ABAT: variants seen among roughly 807,000 people sequenced by gnomAD.
The protein encoded by ABAT is 4-aminobutyrate aminotransferase, mitochondrial.
ABAT carries 45 observed loss-of-function variants against 64.6 expected under a neutral mutation model. The observed-to-expected ratio is 0.70, with a 90% CI of 0.55 to 0.89. ABAT has a LOEUF of 0.89. Among genes scored for constraint, ABAT ranks in the 40% least tolerant of loss-of-function variants. The probability of loss-of-function intolerance (pLI) is 0.00; values close to 1 mark genes in which losing one functional copy is unlikely to be tolerated. For synonymous variants in ABAT, 297 were observed against 250.5 expected (o/e 1.19, Z -1.75); for missense variants, 633 against 658.4 (o/e 0.96, Z 0.42).
intron 1 of ABAT, among the ~76,000 whole-genome samples, chr16:8,726,291 C>T (rs1212448184): frequency 9.7e-6 from 1 of 103,458 alleles, no homozygotes; most frequent in Non-Finnish European, 1.9e-5. Context: ...GATGGAGTCT[C>T]GATCTGTTGC....
intron 1 of ABAT, among the ~76,000 whole-genome samples, chr16:8,690,941 A>G (rs1442543363): frequency 1.3e-5 from 2 of 152,174 alleles, no homozygotes; most frequent in African/African-American, 4.8e-5. Flanking sequence ...TTGCAAATGA[A>G]TGTATGAAGA....
rs1321698768 is a variant in ABAT, at chr16:8,688,058, C to T, written c.-42+13347C>T. 1.4e-5 allele frequency among the ~76,000 whole-genome samples: 2 copies of T among 143,644 alleles called. 1 individual carries two copies. The allele number at this position is 143,644 out of a possible 152,430, so 94.2% of individuals were successfully genotyped here. A position where few individuals can be genotyped will look rare whatever the true frequency, so the allele number is the denominator to read the frequency against. Reference sequence around the variant, plus strand: ...AACTATAGGCCCGTTCCCTGCCCCGCTATTTTACTTATTTTTTATTTTTTT... The same window carrying T: ...AACTATAGGCCCGTTCCCTGCCCCGTTATTTTACTTATTTTTTATTTTTTT... On this transcript the variant is annotated intron_variant, in intron 1 of 15. Coordinates refer to ENST00000268251, the MANE Select transcript of ABAT (RefSeq NM_020686.6).
chr16:8,679,583 C>A (rs565918522), intron 1 of ABAT, among the ~76,000 whole-genome samples: 1 of 151,736 alleles, frequency 6.6e-6, no homozygotes, highest in Non-Finnish European at 1.5e-5. Flanking sequence ...CTCATTGGGC[C>A]GCTGTGAGGA....
chr16:8,678,071 A>G (rs192642782), intron 1 of ABAT, among the ~76,000 whole-genome samples: 1 of 152,260 alleles, frequency 6.6e-6, no homozygotes, highest in African/African-American at 2.4e-5. Context: ...AAAAAAAAAC[A>G]AAATAAAAAC....
chr16:8,717,985 C>T (rs55801241), intron 1 of ABAT, among the ~76,000 whole-genome samples: 5,915 of 152,194 alleles, frequency 0.039, 157 homozygotes, highest in South Asian at 0.1. Flanking sequence ...CATGTTATTT[C>T]TCTGTGCAAG....
At chr16:8,746,587 G>C (rs1015918589) in intron 3 of ABAT, among the ~76,000 whole-genome samples, 1 of 150,808 alleles carries the variant, frequency 6.6e-6, no homozygotes, top group Non-Finnish European at 1.5e-5. Flanking sequence ...CACTATGTTG[G>C]CCAGGCTGGT....
intron 1 of ABAT, among the ~76,000 whole-genome samples, chr16:8,727,835 A>C (rs184989056): frequency 1.3e-5 from 2 of 152,298 alleles, no homozygotes; most frequent in East Asian, 3.9e-4. Flanking sequence ...TTGGGAGTCC[A>C]AGATGGTAGG....
At chr16:8,687,320 G>A (rs1030267343) in intron 1 of ABAT, among the ~76,000 whole-genome samples, 1 of 151,958 alleles carries the variant, frequency 6.6e-6, no homozygotes, top group Admixed American at 6.6e-5. Flanking sequence ...GTCAGGAGAT[G>A]GAGACCATCC....
At chr16:8,695,361 A>C (rs145492821) in intron 1 of ABAT, among the ~76,000 whole-genome samples, 187 of 152,256 alleles carry the variant, frequency 1.2e-3, no homozygotes, top group African/African-American at 4.3e-3. Flanking sequence ...TGTAGTTTTA[A>C]TTTCCTGCAG....
intron 2 of ABAT, among the ~76,000 whole-genome samples, chr16:8,742,158 C>G (rs1332026081): frequency 6.6e-6 from 1 of 152,234 alleles, no homozygotes; most frequent in Admixed American, 6.5e-5. Context: ...CTCACCCTTT[C>G]TTCACCACCT....
At chr16:8,735,943 T>C in intron 2 of ABAT, 134 bp downstream of exon 2, 1 of 750,552 alleles carries the variant, frequency 1.3e-6, no homozygotes, top group Admixed American at 2.1e-5. Context: ...CCCACTGTAT[T>C]AGTCTGTTCT....
At chr16:8,765,152 C>G (rs577145588) in intron 8 of ABAT, among the ~76,000 whole-genome samples, 2 of 146,380 alleles carry the variant, frequency 1.4e-5, no homozygotes, top group Admixed American at 1.4e-4. Flanking sequence ...GGCAACATGA[C>G]GAAACCCCAT....
chr16:8,680,126 C>G (rs144431672), intron 1 of ABAT, among the ~76,000 whole-genome samples: 23 of 152,282 alleles, frequency 1.5e-4, no homozygotes, highest in African/African-American at 4.1e-4. Context: ...TCTCCTCCTC[C>G]CAACTCCTGT....
At chr16:8,684,936 T>G (rs1026617831) in intron 1 of ABAT, among the ~76,000 whole-genome samples, 1 of 152,130 alleles carries the variant, frequency 6.6e-6, no homozygotes, top group African/African-American at 2.4e-5. Context: ...AAGGCAGAAT[T>G]TGCTTGTCTA....
Position 8,760,736 on chromosome 16 carries a change from C to T in ABAT, c.366+2930C>T, listed in dbSNP as rs189356825. Among the ~76,000 whole-genome samples the T allele has an allele frequency of 5.3e-4, 80 of 152,334 alleles. 2 individuals are homozygous for T. Among genetic ancestry groups the T allele is most frequent in the Admixed American group, 4.6e-3 (70 of 15,304 alleles). Reference sequence around the variant, plus strand: ...CATCAGACACATTTGCAGTGTCAACCGCCTCCAGAGGCAGAAGCGTCCTCA... The same window carrying T: ...CATCAGACACATTTGCAGTGTCAACTGCCTCCAGAGGCAGAAGCGTCCTCA... On this transcript the variant is annotated intron_variant, in intron 6 of 15. Transcript: ENST00000268251.
At chr16:8,771,464 C>CT (rs1207440161) in intron 11 of ABAT, among the ~76,000 whole-genome samples, 3 of 108,514 alleles carry the variant, frequency 2.8e-5, no homozygotes, top group Admixed American at 1.2e-4. Flanking sequence ...TAGGGTTTTT[C>CT]TTTCTTTTTT....
At chr16:8,748,701 G>A (rs766147526) in intron 4 of ABAT, among the ~76,000 whole-genome samples, 2 of 152,000 alleles carry the variant, frequency 1.3e-5, no homozygotes, top group African/African-American at 2.4e-5. Context: ...TGTATTCAGG[G>A]CTCTGTTTTT....
intron 1 of ABAT, among the ~76,000 whole-genome samples, chr16:8,725,030 C>T (rs2058503990): frequency 6.6e-6 from 1 of 151,974 alleles, no homozygotes; most frequent in African/African-American, 2.4e-5. Flanking sequence ...GATTCTCCCG[C>T]CTCAGCCTCC....
intron 1 of ABAT, among the ~76,000 whole-genome samples, chr16:8,729,991 A>T (rs13333072): frequency 3.9e-5 from 6 of 151,904 alleles, no homozygotes. Flanking sequence ...GGAGGAAGGA[A>T]GTGCAGAGCA....
Sources: gnomAD v4.1 joint callset for allele counts (sites outside exome capture counted in the v4.1 genomes callset) on GRCh38, gnomAD v4.1.1 for gene constraint, MANE v1.5 for transcripts, NCBI Gene and HGNC (gene_info 2026-07-23, HGNC 2026-07-21) for gene names.